XYLT2: variants seen among roughly 807,000 people sequenced by gnomAD.
XYLT2 encodes the protein UDP-D-xylose:proteoglycan core protein beta-D-xylosyltransferase.
A neutral mutation model predicts 82.6 loss-of-function variants in XYLT2; 37 were observed. The observed-to-expected ratio is 0.45, with a 90% CI of 0.34 to 0.59. The LOEUF (loss-of-function observed/expected upper bound fraction) is 0.59, where lower values mean the gene tolerates loss of function less well. Ranked by LOEUF, XYLT2 falls within the 20% of genes least tolerant of loss-of-function variation. XYLT2 has a pLI of 0.01. For synonymous variants in XYLT2, 474 were observed against 499.0 expected, an observed-to-expected ratio of 0.95 and a Z score of 0.67; for missense variants, 934 against 1,181.3, an observed-to-expected ratio of 0.79 and a Z score of 3.07.
chr17:50,351,967 G>C (rs1348172190), intron 1 of XYLT2, among the ~76,000 whole-genome samples: 1 of 152,134 alleles, frequency 6.6e-6, no homozygotes, highest in Non-Finnish European at 1.5e-5. Context: ...TGGGAAACAA[G>C]GAAGCACCAA....
At chr17:50,356,972 G>A (rs1912568819) in intron 8 of XYLT2, 85 bp from the exon 9 acceptor site, 1 of 1,485,860 alleles carries the variant, frequency 6.7e-7, no homozygotes, top group South Asian at 1.3e-5. Flanking sequence ...CCTGGGGATG[G>A]GACTCCCCAG....
At position 50,353,958 on chromosome 17, in the gene XYLT2, A is replaced by T; in HGVS notation, c.464A>T (p.Asp155Val). 6.2e-7 allele frequency: 1 copy of T among 1,606,720 alleles called. No homozygotes were observed. The highest frequency in any genetic ancestry group is 1.7e-4 in the Middle Eastern group (1 of 6,060). ...GTGGAGGGCGCCCCCCAGCCCACGG[A>T]CAATGGCTTCACCCCCAAGTGCGAG... ...GSVEGAPQPTDNGFTPKCEIV... is the reference protein window; with the variant it reads ...GSVEGAPQPTVNGFTPKCEIV... Residue 155 changes from aspartate (D) to valine (V), a missense_variant, in exon 2 of 11, where the codon GAC (aspartate) becomes GTC (valine). Asp to Val is a radical substitution (Grantham distance 152). Around this residue, in one of 3 missense-constraint regions of XYLT2, gnomAD observed 371 missense variants for 394.9 expected, o/e 0.94. Transcript: ENST00000017003.
chr17:50,346,156 C>A lies in XYLT2; in HGVS notation c.16C>A (p.Arg6=). The A allele has an allele frequency of 1.6e-6, 2 of 1,269,468 alleles. No individual in the cohort carries two copies. The highest frequency in any genetic ancestry group is 1.0e-6 in the Non-Finnish European group (1 of 982,534). The allele number at this position is 1,269,468 out of a possible 1,614,324, so 78.6% of individuals were successfully genotyped here. A position where few individuals can be genotyped will look rare whatever the true frequency, so the allele number is the denominator to read the frequency against. Residue 6 remains arginine (R), a synonymous_variant, in exon 1 of 11, where the codon CGA becomes AGA. Transcript: ENST00000017003. This position sits in a 1 kb window ranked among gnomAD's most constrained non-coding sequence, Gnocchi z 5.1. ...GGGCAGGAAGATGGTGGCGAGCGCG[C>A]GAGTGCAGAAGCTGGTGCGGCGCTA... The part of the protein sequence containing the change: MVASA[R]VQKLVRRYKL...
chr17:50,357,549 G>A (rs917727140), intron 9 of XYLT2: 6 of 341,230 alleles, frequency 1.8e-5, no homozygotes, highest in African/African-American at 6.4e-5. Flanking sequence ...AGGGACATTC[G>A]AGTTGGGCCA....
At chr17:50,350,933 G>A (rs1389575169) in intron 1 of XYLT2, among the ~76,000 whole-genome samples, 1 of 152,000 alleles carries the variant, frequency 6.6e-6, no homozygotes, top group East Asian at 1.9e-4. Flanking sequence ...AGGAGTGCCA[G>A]GGGGGATGAG....
At position 50,360,082 on chromosome 17, in the gene XYLT2, G is replaced by A; in HGVS notation, c.2389G>A (p.Ala797Thr). 2 of 1,613,948 alleles carry A rather than the reference G, an allele frequency of 1.2e-6. No homozygotes were observed. The highest frequency in any genetic ancestry group is 1.7e-6 in the Non-Finnish European group (2 of 1,179,968). ...TCAGCCGGAGCTCGCGGAGGAGGCTGCCCAGCGGCACACACAGCTCACAGG... is the reference window on the plus strand; with the variant it reads ...TCAGCCGGAGCTCGCGGAGGAGGCTACCCAGCGGCACACACAGCTCACAGG... Reference protein sequence around the residue: ...LPQPELAEEAAQRHTQLTGPA... With the variant: ...LPQPELAEEATQRHTQLTGPA... Residue 797 changes from alanine (A) to threonine (T), a missense_variant, in exon 11 of 11, where the codon GCC becomes ACC. Ala to Thr is a moderately conservative substitution (Grantham distance 58, BLOSUM62 0). Coordinates refer to ENST00000017003, the MANE Select transcript of XYLT2 (RefSeq NM_022167.4).
In XYLT2 at chr17:50,354,975, G is replaced by A. The variant is rs376174972; in HGVS notation, c.926G>A (p.Arg309Gln). 9.5e-6 allele frequency: 15 copies of A among 1,572,944 alleles called. No individual in the cohort carries two copies. The highest frequency in any genetic ancestry group is 8.4e-5 in the South Asian group (7 of 82,872). The change falls in exon 4 of 11, where the codon CGG becomes CAG. Residue 309 changes from arginine to glutamine, a missense_variant. Transcript: ENST00000017003. The stretch of plus-strand genomic sequence containing the variant: ...GCCAGCCTCCTGAGGATGTACCTGC[G>A]GAGCATGCGGGACCTGCTAGAGGTG... ...GGASLLRMYL[R>Q]SMRDLLEVPG...
At chr17:50,354,785 C>T (rs919606576) in intron 3 of XYLT2, 69 bp from the exon 4 acceptor site, 2 of 1,596,696 alleles carry the variant, frequency 1.3e-6, no homozygotes, top group African/African-American at 1.3e-5. Context: ...TGTCCCTTCA[C>T]TCTGTCCTGG....
At position 50,360,566 on chromosome 17, in the gene XYLT2, T is replaced by TTTTTA; in HGVS notation, c.*279_*280insATTTT. 9.3e-7 allele frequency: 1 copy of TTTTTA among 1,076,618 alleles called. No individual in the cohort carries two copies. Among genetic ancestry groups the TTTTTA allele is most frequent in the Non-Finnish European group, 1.1e-6 (1 of 902,936 alleles). The allele number at this position is 1,076,618 out of a possible 1,614,324, so 66.7% of individuals were successfully genotyped here. On this transcript the variant is annotated 3_prime_UTR_variant, in exon 11 of 11. Transcript: ENST00000017003. Reference sequence around the variant, plus strand: ...CTTCCTGTCTAGTTTGAATTTCTTTTTTTTCTTTTTTTTTTTTTTTTTTTA... The same window carrying TTTTTA: ...CTTCCTGTCTAGTTTGAATTTCTTTTTTTTATTTTCTTTTTTTTTTTTTTTTTTTA...
chr17:50,356,979 CCAGAGCCCCCTCCCTGGGACTCCA>C, intron 8 of XYLT2, 54 bp from the exon 9 acceptor site: 1 of 1,505,010 alleles, frequency 6.6e-7, no homozygotes, highest in East Asian at 2.3e-5. Context: ...ATGGGACTCC[CCAGAGCCCCCTCCCTGGGACTCCA>C]GGCCAAGTCA....
In XYLT2 at chr17:50,361,130, G is replaced by C. The variant is rs1025370109; in HGVS notation, c.*839G>C. 2 of 985,806 alleles carry C rather than the reference G, an allele frequency of 2.0e-6. No individual in the cohort carries two copies. The highest frequency in any genetic ancestry group is 3.5e-5 in the African/African-American group (2 of 57,238). The allele number at this position is 985,806 out of a possible 1,614,324, so 61.1% of individuals were successfully genotyped here. A position where few individuals can be genotyped will look rare whatever the true frequency, so the allele number is the denominator to read the frequency against. On this transcript the variant is annotated 3_prime_UTR_variant, in exon 11 of 11. Coordinates refer to ENST00000017003, the MANE Select transcript of XYLT2 (RefSeq NM_022167.4). ...GTGAAGTCTGAAATATGCAACAGAA[G>C]AAATATATCTCTATCTCTCTACTCT...
chr17:50,348,082 C>G (rs1488066586), intron 1 of XYLT2, among the ~76,000 whole-genome samples: 2 of 151,826 alleles, frequency 1.3e-5, no homozygotes, highest in Non-Finnish European at 2.9e-5. Flanking sequence ...TATCCCAGCA[C>G]TGTGCATTGG....
At position 50,357,200 on chromosome 17, in the gene XYLT2, C is replaced by G. The variant is rs763187518; in HGVS notation, c.1889C>G (p.Ser630Trp). The change falls in exon 9 of 11, where the codon TCG becomes TGG. Residue 630 changes from serine (S) to tryptophan (W), a missense_variant. This residue lies in a region of XYLT2 where 374 missense variants were observed against 465.6 expected (regional missense o/e 0.80). Coordinates refer to ENST00000017003, the MANE Select transcript of XYLT2 (RefSeq NM_022167.4). ...TLEMWLMPQG[S>W]LKLLGRSDQA... ...GAGATGTGGCTGATGCCCCAAGGGT[C>G]GCTGAAGCTGTTGGGGCGCAGTGAC... 3.1e-6 allele frequency: 5 copies of G among 1,610,564 alleles called. No individual in the cohort carries two copies. The East Asian group carries it at 8.9e-5, about 29-fold the overall frequency.
intron 1 of XYLT2, chr17:50,347,027 G>A (rs1399965354): frequency 1.3e-6 from 1 of 757,968 alleles, no homozygotes; most frequent in Non-Finnish European, 1.6e-6. Context: ...GCAGAGCAGG[G>A]GCAACCAACA....
chr17:50,354,180 C>A, intron 2 of XYLT2, 58 bp downstream of exon 2: 1 of 1,594,448 alleles, frequency 6.3e-7, no homozygotes, highest in Non-Finnish European at 8.5e-7. Flanking sequence ...TGGCATGGCC[C>A]GGATCCTCAC....
chr17:50,349,593 TA>T (rs1021966579), intron 1 of XYLT2, among the ~76,000 whole-genome samples: 2 of 151,484 alleles, frequency 1.3e-5, no homozygotes, highest in African/African-American at 4.9e-5. Flanking sequence ...TTAAAATAAA[TA>T]AAATAAAAAG....
At position 50,360,523 on chromosome 17, in the gene XYLT2, C is replaced by T; in HGVS notation, c.*232C>T. 8.0e-7 allele frequency: 1 copy of T among 1,256,838 alleles called. No individual in the cohort carries two copies. The highest frequency in any genetic ancestry group is 1.0e-6 in the Non-Finnish European group (1 of 1,003,070). 77.9% of individuals were successfully genotyped at this position (1,256,838 alleles called of 1,614,324 possible). Reference sequence around the variant, plus strand: ...CGAGAAGGGCACCAGCAGCATTCCACACCCAGCTCTTCCTCACCTTCCTGT... The same window carrying T: ...CGAGAAGGGCACCAGCAGCATTCCATACCCAGCTCTTCCTCACCTTCCTGT... On this transcript the variant is annotated 3_prime_UTR_variant, in exon 11 of 11. Coordinates refer to ENST00000017003, the MANE Select transcript of XYLT2 (RefSeq NM_022167.4).
In XYLT2 at chr17:50,358,302, C is replaced by G; in HGVS notation, c.2037C>G (p.Ala679=). ...LDEPVAVQRW[A]RGPNLTATVV... ...AGCCTGTGGCCGTGCAGCGCTGGGC[C>G]CGGGGCCCCAACCTCACAGCCACAG... Residue 679 remains alanine (A), a synonymous_variant, in exon 10 of 11, where the codon GCC becomes GCG. Transcript: ENST00000017003. 1 of 1,613,802 alleles carries G rather than the reference C, an allele frequency of 6.2e-7. No individual in the cohort carries two copies. The highest frequency in any genetic ancestry group is 8.5e-7 in the Non-Finnish European group (1 of 1,180,040).
chr17:50,354,358 C>A (rs1331224757), intron 2 of XYLT2, 50 bp from the exon 3 acceptor site: 2 of 1,548,542 alleles, frequency 1.3e-6, no homozygotes, highest in Admixed American at 1.9e-5. Flanking sequence ...ATCTCACCCC[C>A]ACCCTGTGAC....
Sources: gnomAD v4.1 joint callset for allele counts (sites outside exome capture counted in the v4.1 genomes callset) on GRCh38, gnomAD v4.1.1 for gene constraint, gnomAD v4.1.1 regional missense constraint, Gnocchi (gnomAD v3.1) non-coding constraint, MANE v1.5 for transcripts, NCBI Gene and HGNC (gene_info 2026-07-23, HGNC 2026-07-21) for gene names.